Variants in SNTG2 observed in about 807,000 individuals in gnomAD.
SNTG2 encodes the protein gamma-2-syntrophin.
In SNTG2, 74 loss-of-function variants were observed where a neutral mutation model predicts 70.9. The ratio of observed to expected loss-of-function variants is 1.04; its 90% CI spans 0.86 to 1.27. SNTG2 has a LOEUF of 1.27. Ranked by LOEUF, SNTG2 falls within the 50% of genes most tolerant of loss-of-function variation. The pLI, the probability that SNTG2 is intolerant of heterozygous loss-of-function variation, is 0.00. For synonymous variants in SNTG2, 278 were observed against 273.8 expected, an observed-to-expected ratio of 1.02 and a Z score of -0.15; for missense variants, 717 against 690.7, an observed-to-expected ratio of 1.04 and a Z score of -0.43.
chr2:1,153,524 C>T (rs569698908), intron 6 of SNTG2, among the ~76,000 whole-genome samples: 3 of 152,260 alleles, frequency 2.0e-5, no homozygotes, highest in African/African-American at 4.8e-5. Context: ...CTAAAAAGTG[C>T]GTACACAGTC....
At chr2:1,351,489 A>G (rs763402204) in intron 16 of SNTG2, among the ~76,000 whole-genome samples, 1 of 152,182 alleles carries the variant, frequency 6.6e-6, no homozygotes, top group Non-Finnish European at 1.5e-5. Context: ...TCACGATTAC[A>G]GAGAACACTG....
chr2:1,157,353 G>T (rs1669969532), intron 6 of SNTG2, among the ~76,000 whole-genome samples: 1 of 152,098 alleles, frequency 6.6e-6, no homozygotes, highest in African/African-American at 2.4e-5. Flanking sequence ...TGCGCTGAAT[G>T]CACCCCGGCA....
intron 1 of SNTG2, among the ~76,000 whole-genome samples, chr2:972,372 C>G (rs1420015656): frequency 6.6e-6 from 1 of 152,158 alleles, no homozygotes; most frequent in Non-Finnish European, 1.5e-5. Flanking sequence ...AACCCTTTAC[C>G]ATTGTATGAG....
intron 4 of SNTG2, among the ~76,000 whole-genome samples, chr2:1,134,014 G>A (rs1290879588): frequency 4.6e-5 from 7 of 152,202 alleles, no homozygotes; most frequent in East Asian, 1.9e-4. Flanking sequence ...TCGTGGTCTC[G>A]CTGGCTCAGG....
intron 16 of SNTG2, chr2:1,341,846 C>CT (rs368695045): frequency 0.23 from 31,956 of 136,958 alleles, 4,119 homozygotes; most frequent in Middle Eastern, 0.36. Context: ...ATTTTTATCG[C>CT]TTTTTTTTTT....
chr2:1,222,095 G>GTC (rs1553362250), intron 9 of SNTG2, among the ~76,000 whole-genome samples: 1 of 6,970 alleles, frequency 1.4e-4, no homozygotes, highest in Non-Finnish European at 2.9e-4. Flanking sequence ...GTCTCTCTCT[G>GTC]TCTCTCTCTG....
intron 14 of SNTG2, among the ~76,000 whole-genome samples, chr2:1,269,825 A>G (rs1167620031): frequency 6.6e-6 from 1 of 152,158 alleles, no homozygotes. Context: ...TTCGTGGGGA[A>G]TGGAGGCAAT....
intron 9 of SNTG2, among the ~76,000 whole-genome samples, chr2:1,224,944 T>C (rs1430505628): frequency 6.6e-6 from 1 of 152,178 alleles, no homozygotes; most frequent in Non-Finnish European, 1.5e-5. Flanking sequence ...AACAAATATA[T>C]AGGAAAAATG....
intron 1 of SNTG2, among the ~76,000 whole-genome samples, chr2:1,070,032 G>A (rs1164622640): frequency 6.6e-6 from 1 of 151,948 alleles, no homozygotes; most frequent in African/African-American, 2.4e-5. Flanking sequence ...CTGCAGTGAC[G>A]TCAGTGTGCA....
chr2:1,100,398 G>A lies in SNTG2; in HGVS notation c.325+1988G>A, dbSNP rs181513913. 6.4e-3 allele frequency among the ~76,000 whole-genome samples: 981 copies of A among 152,294 alleles called. 5 individuals are homozygous for A. Among genetic ancestry groups the A allele is most frequent in the African/African-American group, 0.022 (920 of 41,574 alleles). On this transcript the variant is annotated intron_variant, in intron 4 of 16. Coordinates refer to ENST00000308624, the MANE Select transcript of SNTG2 (RefSeq NM_018968.4). Reference sequence around the variant, plus strand: ...GACCTCAGGTGATCTGCCTGCCTCCGCCTCCCAAAGTGCTGGGATTACAGG... The same window carrying A: ...GACCTCAGGTGATCTGCCTGCCTCCACCTCCCAAAGTGCTGGGATTACAGG...
rs185574880 is a variant in SNTG2, at chr2:1,097,148, C to A, written c.211-1048C>A. ...GTATATTTGCTCTAATTTTTGGTTTCTTTCCTTTGAGTTTATGAAGTATTT... is the reference window on the plus strand; with the variant it reads ...GTATATTTGCTCTAATTTTTGGTTTATTTCCTTTGAGTTTATGAAGTATTT... On this transcript the variant is annotated intron_variant, in intron 2 of 16. Coordinates refer to ENST00000308624, the MANE Select transcript of SNTG2 (RefSeq NM_018968.4). The surrounding 1 kb of genome is among the most constrained non-coding windows in gnomAD (Gnocchi z 4.1). 2.5e-3 allele frequency among the ~76,000 whole-genome samples: 374 copies of A among 152,284 alleles called. 3 individuals are homozygous for A. The highest frequency in any genetic ancestry group is 7.4e-4 in the Non-Finnish European group (50 of 68,006).
chr2:1,170,705 G>A (rs1225043272), intron 7 of SNTG2, among the ~76,000 whole-genome samples: 1 of 152,162 alleles, frequency 6.6e-6, no homozygotes, highest in Non-Finnish European at 1.5e-5. Flanking sequence ...TGTGTATACG[G>A]ACCCATGTAC....
At chr2:1,184,547 G>T (rs757341777) in intron 8 of SNTG2, among the ~76,000 whole-genome samples, 2 of 152,064 alleles carry the variant, frequency 1.3e-5, no homozygotes, top group Non-Finnish European at 2.9e-5. Flanking sequence ...GGCTGGGGAG[G>T]CCTCAGGAAA....
chr2:1,103,271 TATTAC>T (rs1415921053), intron 4 of SNTG2: 1 of 226,832 alleles, frequency 4.4e-6, no homozygotes, highest in African/African-American at 2.4e-5. Context: ...AATTTGTTAA[TATTAC>T]ATTTGAAAGG....
chr2:1,196,408 A>C (rs1672911011), intron 8 of SNTG2, among the ~76,000 whole-genome samples: 1 of 152,182 alleles, frequency 6.6e-6, no homozygotes, highest in Non-Finnish European at 1.5e-5. Flanking sequence ...TTTGAATTTC[A>C]TGTGTTCCAG....
rs140175311 is a variant in SNTG2 at position 1,163,975 on chromosome 2, T to G, written c.412-1573T>G. On this transcript the variant is annotated intron_variant, in intron 6 of 16. Transcript: ENST00000308624. ...GTCTTCAAAACCCATTCAAGCTACATCAGGTGTCTTAGGGAGCTGTGCAGA... is the reference window on the plus strand; with the variant it reads ...GTCTTCAAAACCCATTCAAGCTACAGCAGGTGTCTTAGGGAGCTGTGCAGA... Among the ~76,000 whole-genome samples the G allele has an allele frequency of 1.7e-3, 253 of 152,266 alleles. 2 individuals carry two copies. Among genetic ancestry groups the G allele is most frequent in the African/African-American group, 5.7e-3 (238 of 41,540 alleles).
chr2:1,020,987 C>A (rs909198642), intron 1 of SNTG2, among the ~76,000 whole-genome samples: 15 of 152,224 alleles, frequency 9.9e-5, no homozygotes, highest in Admixed American at 4.6e-4. Flanking sequence ...TTTTTAATGA[C>A]CTTTCTCCAA....
intron 2 of SNTG2, among the ~76,000 whole-genome samples, chr2:1,095,309 C>G (rs1001496417): frequency 6.6e-6 from 1 of 152,176 alleles, no homozygotes; most frequent in Non-Finnish European, 1.5e-5. Context: ...ACAGCTCTCA[C>G]TTTCCAGATG....
At chr2:1,144,600 G>A (rs144353981) in intron 6 of SNTG2, among the ~76,000 whole-genome samples, 180 of 152,264 alleles carry the variant, frequency 1.2e-3, no homozygotes, top group African/African-American at 4.1e-3. Flanking sequence ...ACGTGGCTGG[G>A]GAGGCCTCAG....
Sources: allele counts gnomAD v4.1 joint callset (sites outside exome capture counted in the v4.1 genomes callset), GRCh38; gene constraint gnomAD v4.1.1; non-coding constraint Gnocchi (gnomAD v3.1); transcripts MANE v1.5; gene names NCBI Gene and HGNC (gene_info 2026-07-23, HGNC 2026-07-21).